RALGPS2: variants seen among roughly 807,000 people sequenced by gnomAD.
The protein encoded by RALGPS2 is Ral GEF with PH domain and SH3 binding motif 2, also known as ras-specific guanine nucleotide-releasing factor RalGPS2.
A neutral mutation model predicts 86.8 loss-of-function variants in RALGPS2; 43 were observed. The observed-to-expected ratio is 0.50, with a 90% CI of 0.39 to 0.64. The LOEUF (loss-of-function observed/expected upper bound fraction) is 0.64. Among genes scored for constraint, RALGPS2 ranks in the 30% least tolerant of loss-of-function variants. The pLI is 0.00. For missense variants in RALGPS2, 536 were observed against 694.6 expected (o/e 0.77, Z 2.57); for synonymous variants, 243 against 231.3 (o/e 1.05, Z -0.46).
At position 178,785,575 on chromosome 1, in the gene RALGPS2, G is replaced by A. The variant is rs1201204431; in HGVS notation, c.181G>A (p.Asp61Asn). Residue 61 changes from aspartate (D) to asparagine (N), a missense_variant, in exon 4 of 20, where the codon GAT becomes AAT. Physicochemically the swap from Asp to Asn is conservative, Grantham distance 23. Transcript: ENST00000367635. ...EEYAGQITLMDVPVFKAIQPD... is the reference protein window; with the variant it reads ...EEYAGQITLMNVPVFKAIQPD... Reference sequence around the variant, plus strand: ...ATTTCAGGGTCAGATAACATTAATGGATGTTCCAGTATTTAAAGCTATTCA... The same window carrying A: ...ATTTCAGGGTCAGATAACATTAATGAATGTTCCAGTATTTAAAGCTATTCA... The A allele has an allele frequency of 6.3e-7, 1 of 1,582,706 alleles. No individual in the cohort carries two copies.
rs191290677 is a variant in RALGPS2, at chr1:178,746,463, C to T, written c.-84+21044C>T. ...TACATCTTTCTACATTTCATACATG[C>T]ATTATAAACACTTAACATCCAGTTA... On this transcript the variant is annotated intron_variant, in intron 1 of 19. Coordinates refer to ENST00000367635, the MANE Select transcript of RALGPS2 (RefSeq NM_152663.5). Among the ~76,000 whole-genome samples the T allele has an allele frequency of 3.3e-5, 5 of 152,268 alleles. No homozygotes were observed. In the East Asian group the frequency reaches 9.6e-4, roughly 29 times the overall value.
intron 1 of RALGPS2, among the ~76,000 whole-genome samples, chr1:178,770,507 CT>C (rs747336558): frequency 0.047 from 6,392 of 136,132 alleles, 218 homozygotes; most frequent in African/African-American, 0.11. Flanking sequence ...ATACTTCATA[CT>C]TTTTTTTTTT....
intron 14 of RALGPS2, among the ~76,000 whole-genome samples, chr1:178,890,346 A>G (rs1025904810): frequency 1.3e-5 from 2 of 151,970 alleles, no homozygotes; most frequent in African/African-American, 4.8e-5. Context: ...TTAAATGTCC[A>G]TTAGGATTCT....
intron 8 of RALGPS2, among the ~76,000 whole-genome samples, chr1:178,840,364 A>G (rs1199594141): frequency 6.6e-6 from 1 of 152,222 alleles, no homozygotes; most frequent in African/African-American, 2.4e-5. Flanking sequence ...AAATCGCTCA[A>G]CTACATGGAA....
chr1:178,812,704 C>T (rs1267132406), intron 6 of RALGPS2, among the ~76,000 whole-genome samples: 1 of 152,130 alleles, frequency 6.6e-6, no homozygotes, highest in African/African-American at 2.4e-5. Context: ...AAATACGTAA[C>T]TTTCCTCACA....
chr1:178,807,579 T>C (rs1257508061), intron 4 of RALGPS2, among the ~76,000 whole-genome samples: 1 of 152,196 alleles, frequency 6.6e-6, no homozygotes, highest in Non-Finnish European at 1.5e-5. Flanking sequence ...TTTGTGGGCA[T>C]TTTGTATTCT....
intron 1 of RALGPS2, among the ~76,000 whole-genome samples, chr1:178,773,868 C>G (rs1652935515): frequency 6.6e-6 from 1 of 151,826 alleles, no homozygotes; most frequent in African/African-American, 2.4e-5. Flanking sequence ...TTAAGGTATG[C>G]TTTGCTATAT....
At chr1:178,774,355 T>TTAAAGTAA (rs1424901250) in intron 1 of RALGPS2, among the ~76,000 whole-genome samples, 2 of 152,260 alleles carry the variant, frequency 1.3e-5, no homozygotes, top group Non-Finnish European at 2.9e-5. Context: ...CTGGTCTGTA[T>TTAAAGTAA]TACATTTTTT....
chr1:178,837,820 C>T (rs1265391369), intron 8 of RALGPS2, among the ~76,000 whole-genome samples: 1 of 152,212 alleles, frequency 6.6e-6, no homozygotes, highest in African/African-American at 2.4e-5. Context: ...AATCGGGTCA[C>T]TCCCACCCTA....
At position 178,776,804 on chromosome 1, in the gene RALGPS2, G is replaced by C; in HGVS notation, c.40G>C (p.Ala14Pro). 1 of 1,612,934 alleles carries C rather than the reference G, an allele frequency of 6.2e-7. No individual in the cohort carries two copies. The highest frequency in any genetic ancestry group is 8.5e-7 in the Non-Finnish European group (1 of 1,179,322). The change falls in exon 2 of 20, where the codon GCA becomes CCA. Residue 14 changes from alanine (A) to proline (P), a missense_variant. By Grantham distance (27) the Ala-to-Pro change is conservative. Around this residue, in one of 3 missense-constraint regions of RALGPS2, gnomAD observed 43 missense variants for 34.9 expected, o/e 1.23. Transcript: ENST00000367635. The part of the protein sequence containing the change: ...MNGQASSVNI[A>P]ATASEKSSSS... Reference sequence around the variant, plus strand: ...CGGGCAGGCAAGCAGTGTCAATATTGCAGCTACTGCTTCTGAGGTAAGATA... The same window carrying C: ...CGGGCAGGCAAGCAGTGTCAATATTCCAGCTACTGCTTCTGAGGTAAGATA...
chr1:178,808,147 A>C lies in RALGPS2; in HGVS notation c.297+19A>C. 6.6e-7 allele frequency: 1 copy of C among 1,510,372 alleles called. No individual in the cohort carries two copies. The highest frequency in any genetic ancestry group is 9.2e-7 in the Non-Finnish European group (1 of 1,088,440). The allele number at this position is 1,510,372 out of a possible 1,614,324, so 93.6% of individuals were successfully genotyped here. A position where few individuals can be genotyped will look rare whatever the true frequency, so the allele number is the denominator to read the frequency against. On this transcript the variant is annotated intron_variant, in intron 5 of 19. Coordinates refer to ENST00000367635, the MANE Select transcript of RALGPS2 (RefSeq NM_152663.5). ...CAATCATGTGAGTTTATAAATTTTG[A>C]TACTGTGTCTGAAATTCAGTTCCTC... is the stretch of plus-strand genomic sequence containing the variant.
At chr1:178,765,152 G>A (rs918040678) in intron 1 of RALGPS2, among the ~76,000 whole-genome samples, 10 of 151,328 alleles carry the variant, frequency 6.6e-5, no homozygotes, top group Non-Finnish European at 1.3e-4. Flanking sequence ...CCCAGTCTCA[G>A]GTATGTCTTT....
At position 178,838,414 on chromosome 1, in the gene RALGPS2, G is replaced by C. The variant is rs113017511; in HGVS notation, c.607+4864G>C. Among the ~76,000 whole-genome samples the C allele has an allele frequency of 3.5e-3, 535 of 152,222 alleles. 5 individuals are homozygous for C. Among genetic ancestry groups the C allele is most frequent in the African/African-American group, 0.012 (503 of 41,522 alleles). ...CCGCTGCTGATATCCCCACAAACAG[G>C]GTCTGGAGTGGACCTCCAGCAAACT... On this transcript the variant is annotated intron_variant, in intron 8 of 19. Transcript: ENST00000367635.
chr1:178,765,371 C>T (rs1025024581), intron 1 of RALGPS2, among the ~76,000 whole-genome samples: 9 of 151,938 alleles, frequency 5.9e-5, no homozygotes, highest in African/African-American at 1.5e-4. Context: ...CGGCAGGTTC[C>T]GTGATGCCCC....
rs192504070 is a variant in RALGPS2, at chr1:178,903,299, T to C, written c.1630+1088T>C. The stretch of plus-strand genomic sequence containing the variant: ...GAGGCAGGAAAAAATAATACCAAAA[T>C]GTCTTCTTTTTAGATTAAGTAGATT... On this transcript the variant is annotated intron_variant, in intron 18 of 19. Transcript: ENST00000367635. 1.3e-3 allele frequency among the ~76,000 whole-genome samples: 194 copies of C among 152,214 alleles called. 2 individuals are homozygous for C. Among genetic ancestry groups the C allele is most frequent in the African/African-American group, 4.3e-3 (178 of 41,550 alleles).
In RALGPS2 at chr1:178,878,990, C is replaced by T. The variant is rs1659113194; in HGVS notation, c.834C>T (p.Tyr278=). 1 of 1,612,318 alleles carries T rather than the reference C, an allele frequency of 6.2e-7. No homozygotes were observed. The highest frequency in any genetic ancestry group is 8.5e-7 in the Non-Finnish European group (1 of 1,179,344). The part of the protein sequence containing the change: ...ELQKFVEDDN[Y]KLSLKIEPGT... Reference sequence around the variant, plus strand: ...AAAAATTTGTGGAAGACGATAATTACAAGTAGGTTGGATCTTCAAAAGTGG... The same window carrying T: ...AAAAATTTGTGGAAGACGATAATTATAAGTAGGTTGGATCTTCAAAAGTGG... The change falls in exon 10 of 20, where the codon TAC becomes TAT. Residue 278 remains tyrosine, a splice_region_variant and synonymous_variant. Transcript: ENST00000367635.
intron 4 of RALGPS2, among the ~76,000 whole-genome samples, chr1:178,795,105 G>C (rs1014184994): frequency 6.6e-6 from 1 of 151,820 alleles, no homozygotes; most frequent in African/African-American, 2.4e-5. Context: ...GCTTGAACCA[G>C]GGAGGCAGAG....
At chr1:178,876,767 G>A (rs1346282712) in intron 8 of RALGPS2, among the ~76,000 whole-genome samples, 1 of 152,138 alleles carries the variant, frequency 6.6e-6, no homozygotes, top group Non-Finnish European at 1.5e-5. Context: ...ACTTAAATAA[G>A]TGACCTTTCA....
rs138592842 is a variant in RALGPS2 at position 178,851,018 on chromosome 1, A to T, written c.607+17468A>T. 117 of 1,053,146 alleles carry T rather than the reference A, an allele frequency of 1.1e-4. No individual in the cohort carries two copies. The African/African-American group carries it at 1.7e-3, about 16-fold the overall frequency. The allele number at this position is 1,053,146 out of a possible 1,614,324, so 65.2% of individuals were successfully genotyped here. A position where few individuals can be genotyped will look rare whatever the true frequency, so the allele number is the denominator to read the frequency against. Reference sequence around the variant, plus strand: ...TAGTTACGGTAAAATTCATTTTAAAAACTTTCTGTGTAGAAATAAATTGTG... The same window carrying T: ...TAGTTACGGTAAAATTCATTTTAAATACTTTCTGTGTAGAAATAAATTGTG... On this transcript the variant is annotated intron_variant, in intron 8 of 19. Transcript: ENST00000367635.
Sources: gnomAD v4.1 joint callset for allele counts (sites outside exome capture counted in the v4.1 genomes callset) on GRCh38, gnomAD v4.1.1 for gene constraint, gnomAD v4.1.1 regional missense constraint, MANE v1.5 for transcripts, NCBI Gene and HGNC (gene_info 2026-07-23, HGNC 2026-07-21) for gene names.